NRXN3: variants seen among roughly 807,000 people sequenced by gnomAD.
The protein encoded by NRXN3 is neurexin 3, also known as neurexin III.
NRXN3 carries 32 observed loss-of-function variants against 137.6 expected under a neutral mutation model. The observed-to-expected ratio is 0.23, with a 90% CI of 0.18 to 0.31. The LOEUF is 0.31. NRXN3 is among the 10% of genes least tolerant of loss of function. The probability of loss-of-function intolerance (pLI) is 1.00; values close to 1 mark genes in which losing one functional copy is unlikely to be tolerated. For synonymous variants in NRXN3, 798 were observed against 784.5 expected (o/e 1.02, Z -0.29); for missense variants, 1,574 against 2,062.5 (o/e 0.76, Z 4.59).
intron 10 of NRXN3, among the ~76,000 whole-genome samples, chr14:78,940,731 C>T (rs537157944): frequency 5.3e-5 from 8 of 152,312 alleles, no homozygotes; most frequent in Admixed American, 1.3e-4. Flanking sequence ...TTCCCTTGAA[C>T]GTTTTCCCCC....
At chr14:79,093,161 G>A (rs60065466) in intron 15 of NRXN3, among the ~76,000 whole-genome samples, 9,344 of 152,250 alleles carry the variant, frequency 0.061, 874 homozygotes, top group African/African-American at 0.2. Flanking sequence ...CTTCAAGAAA[G>A]TATGATTAGT....
intron 15 of NRXN3, among the ~76,000 whole-genome samples, chr14:79,316,197 G>A (rs1232417899): frequency 6.6e-6 from 1 of 152,208 alleles, no homozygotes; most frequent in Non-Finnish European, 1.5e-5. Flanking sequence ...TACATTGTAA[G>A]AGTACCATGC....
At position 78,416,394 on chromosome 14, in the gene NRXN3, G is replaced by T. The variant is rs182276944; in HGVS notation, c.757+118534G>T. ...TGGAAGGAAAAGAAAAGGGTCTGTTGTATGCTTTGTTTTTTTCACTCACAT... is the reference window on the plus strand; with the variant it reads ...TGGAAGGAAAAGAAAAGGGTCTGTTTTATGCTTTGTTTTTTTCACTCACAT... On this transcript the variant is annotated intron_variant, in intron 4 of 20. Coordinates refer to ENST00000335750, the MANE Select transcript of NRXN3 (RefSeq NM_001330195.2). 3.9e-5 allele frequency among the ~76,000 whole-genome samples: 6 copies of T among 152,252 alleles called. No homozygotes were observed. The East Asian group carries it at 1.2e-3, about 29-fold the overall frequency.
intron 8 of NRXN3, among the ~76,000 whole-genome samples, chr14:78,779,065 T>C (rs1217388008): frequency 6.6e-6 from 1 of 151,956 alleles, no homozygotes. Context: ...TTTTATATCA[T>C]TAAACCATCT....
chr14:78,332,856 T>C (rs1311106674), intron 4 of NRXN3, among the ~76,000 whole-genome samples: 5 of 152,094 alleles, frequency 3.3e-5, no homozygotes, highest in Admixed American at 2.6e-4. Flanking sequence ...TATCACACTT[T>C]GTAATTTTCT....
chr14:78,816,047 T>A (rs182540860), intron 10 of NRXN3, among the ~76,000 whole-genome samples: 2 of 152,312 alleles, frequency 1.3e-5, no homozygotes, highest in Admixed American at 1.3e-4. Flanking sequence ...TCTTTTGGTA[T>A]GTTTTATATT....
chr14:78,817,153 G>A (rs1321584564), intron 10 of NRXN3, among the ~76,000 whole-genome samples: 1 of 152,198 alleles, frequency 6.6e-6, no homozygotes, highest in South Asian at 2.1e-4. Flanking sequence ...ATTACAAAGA[G>A]CAAGGAGGAC....
chr14:78,879,068 G>A (rs1361465584), intron 10 of NRXN3, among the ~76,000 whole-genome samples: 2 of 152,120 alleles, frequency 1.3e-5, no homozygotes, highest in Non-Finnish European at 1.5e-5. Flanking sequence ...TATTGGTTGT[G>A]TACATATACC....
intron 19 of NRXN3, among the ~76,000 whole-genome samples, chr14:79,735,334 C>A (rs568549507): frequency 6.6e-6 from 1 of 152,126 alleles, no homozygotes; most frequent in Non-Finnish European, 1.5e-5. Context: ...TCAATTGTTA[C>A]GCAAGACTAA....
At chr14:79,052,952 C>A (rs1020999550) in intron 15 of NRXN3, among the ~76,000 whole-genome samples, 1 of 152,170 alleles carries the variant, frequency 6.6e-6, no homozygotes, top group Non-Finnish European at 1.5e-5. Flanking sequence ...TGAAAGACAG[C>A]AGGGAGAGTG....
chr14:78,876,069 C>A (rs376793818), intron 10 of NRXN3, among the ~76,000 whole-genome samples: 15 of 152,168 alleles, frequency 9.9e-5, no homozygotes, highest in African/African-American at 2.9e-4. Flanking sequence ...TATTTGTATT[C>A]CCTTTAAGAG....
intron 15 of NRXN3, among the ~76,000 whole-genome samples, chr14:79,407,809 G>T (rs1439453052): frequency 2.0e-5 from 3 of 152,082 alleles, no homozygotes; most frequent in Admixed American, 2.0e-4. Flanking sequence ...AGTGGTGGGG[G>T]AATCAAGGGT....
intron 6 of NRXN3, among the ~76,000 whole-genome samples, chr14:78,668,723 A>C (rs2097908532): frequency 6.6e-6 from 1 of 152,184 alleles, no homozygotes; most frequent in African/African-American, 2.4e-5. Context: ...GGTCTCTATC[A>C]CGACTATCAA....
intron 15 of NRXN3, among the ~76,000 whole-genome samples, chr14:79,050,907 C>G (rs1038786135): frequency 2.6e-5 from 4 of 152,208 alleles, no homozygotes; most frequent in Non-Finnish European, 4.4e-5. Flanking sequence ...TACAAATTCT[C>G]TCACACTGCA....
chr14:79,016,642 A>T (rs1365341452), intron 15 of NRXN3, among the ~76,000 whole-genome samples: 3 of 152,202 alleles, frequency 2.0e-5, no homozygotes, highest in African/African-American at 7.2e-5. Flanking sequence ...TCCAGATGCT[A>T]CAGGTACATA....
At chr14:79,771,886 C>T (rs1388228403) in intron 19 of NRXN3, among the ~76,000 whole-genome samples, 19 of 124,902 alleles carry the variant, frequency 1.5e-4, no homozygotes, top group Non-Finnish European at 2.7e-4. Flanking sequence ...CCCATTGTCT[C>T]AGCCCAAAAT....
chr14:79,795,847 A>C (rs1329878383), intron 19 of NRXN3, among the ~76,000 whole-genome samples: 3 of 152,134 alleles, frequency 2.0e-5, no homozygotes, highest in African/African-American at 7.2e-5. Context: ...TTTGGGATGT[A>C]CTAACATGCA....
At chr14:79,248,248 T>C (rs1436607603) in intron 15 of NRXN3, among the ~76,000 whole-genome samples, 1 of 152,058 alleles carries the variant, frequency 6.6e-6, no homozygotes, top group East Asian at 1.9e-4. Flanking sequence ...CTTCATCTGC[T>C]CTCCCTTCCT....
intron 16 of NRXN3, among the ~76,000 whole-genome samples, chr14:79,490,937 C>A (rs898342083): frequency 1.3e-5 from 2 of 152,100 alleles, no homozygotes; most frequent in African/African-American, 4.8e-5. Context: ...TAAATATATA[C>A]ACCTACTATG....
Sources: allele counts gnomAD v4.1 joint callset (sites outside exome capture counted in the v4.1 genomes callset), GRCh38; gene constraint gnomAD v4.1.1; transcripts MANE v1.5; gene names NCBI Gene and HGNC (gene_info 2026-07-23, HGNC 2026-07-21).